The following CAPN12 variants were observed in gnomAD, a reference collection of about 807,000 sequenced individuals.
The protein encoded by CAPN12 is calpain-12.
In CAPN12, 107 loss-of-function variants were observed where a neutral mutation model predicts 95.0. The observed-to-expected ratio is 1.13, with a 90% confidence interval of 0.96 to 1.32. The LOEUF (loss-of-function observed/expected upper bound fraction) is 1.32, where lower values mean the gene tolerates loss of function less well. Among genes scored for constraint, CAPN12 ranks in the 40% most tolerant of loss-of-function variants. The probability of loss-of-function intolerance (pLI) is 0.00; values close to 1 mark genes in which losing one functional copy is unlikely to be tolerated. For synonymous variants in CAPN12, 505 were observed against 415.5 expected (o/e 1.22, Z -2.62); for missense variants, 1,136 against 997.8 (o/e 1.14, Z -1.87).
At chr19:38,736,518 G>C in intron 11 of CAPN12, 34 bp downstream of exon 11, 5 of 1,314,210 alleles carry the variant, frequency 3.8e-6, no homozygotes, top group Non-Finnish European at 5.0e-6. Flanking sequence ...GGTTGACCAA[G>C]CCCCAGGGCC....
intron 7 of CAPN12, 22 bp from the exon 8 acceptor site, chr19:38,738,369 G>T: frequency 1.9e-6 from 3 of 1,611,650 alleles, no homozygotes; most frequent in Non-Finnish European, 2.5e-6. Context: ...GTGGTGTGAG[G>T]GGCGGGCAGG....
Sources: gnomAD v4.1 joint callset for allele counts on GRCh38, gnomAD v4.1.1 for gene constraint, MANE v1.5 for transcripts, NCBI Gene and HGNC (gene_info 2026-07-23, HGNC 2026-07-21) for gene names.